POT1: variants seen among roughly 807,000 people sequenced by gnomAD.
POT1 encodes the protein protection of telomeres 1.
POT1 carries 47 observed loss-of-function variants against 78.5 expected under a neutral mutation model. The observed-to-expected ratio is 0.60, with a 90% CI of 0.47 to 0.76. The LOEUF (loss-of-function observed/expected upper bound fraction) is 0.76. Among genes scored for constraint, POT1 ranks in the 30% least tolerant of loss-of-function variants. The probability of loss-of-function intolerance (pLI) is 0.00; values close to 1 mark genes in which losing one functional copy is unlikely to be tolerated. For missense variants in POT1, 646 were observed against 749.9 expected (o/e 0.86, Z 1.62); for synonymous variants, 259 against 260.7 (o/e 0.99, Z 0.06).
At chr7:124,925,055 A>C (rs1346258260) in intron 2 of POT1, among the ~76,000 whole-genome samples, 1 of 152,112 alleles carries the variant, frequency 6.6e-6, no homozygotes, top group African/African-American at 2.4e-5. Context: ...AATTGGAACA[A>C]GATAAGGATA....
chr7:124,832,986 A>G (rs1794806227), intron 15 of POT1, among the ~76,000 whole-genome samples: 1 of 152,174 alleles, frequency 6.6e-6, no homozygotes. Flanking sequence ...GAAAGGGGAA[A>G]GAACAAAAGC....
At chr7:124,905,040 A>C (rs1386969506) in intron 3 of POT1, among the ~76,000 whole-genome samples, 3 of 152,232 alleles carry the variant, frequency 2.0e-5, no homozygotes, top group Non-Finnish European at 4.4e-5. Flanking sequence ...GATAGAAAAG[A>C]ATCAGTATCA....
At chr7:124,924,238 G>C (rs144294001) in intron 2 of POT1, among the ~76,000 whole-genome samples, 1 of 149,638 alleles carries the variant, frequency 6.7e-6, no homozygotes, top group Non-Finnish European at 1.5e-5. Flanking sequence ...CTACCAGCTA[G>C]ACTAACCAAG....
intron 15 of POT1, among the ~76,000 whole-genome samples, chr7:124,830,834 G>C (rs1184644126): frequency 3.3e-5 from 5 of 151,760 alleles, no homozygotes; most frequent in Admixed American, 1.3e-4. Context: ...TAAAACACAA[G>C]AAACCATAAA....
chr7:124,900,777 G>C (rs1275512239), intron 3 of POT1: 3 of 355,748 alleles, frequency 8.4e-6, no homozygotes, highest in African/African-American at 2.1e-5. Context: ...TCAGTACCTG[G>C]AACATCGGGA....
chr7:124,835,473 T>A, intron 14 of POT1, 59 bp from the exon 15 acceptor site: 2 of 1,540,166 alleles, frequency 1.3e-6, no homozygotes, highest in East Asian at 4.5e-5. Flanking sequence ...ACAAGTACAG[T>A]CCTATTAAAT....
Position 124,923,889 on chromosome 7 carries a change from TCAAACAAACAAA to T in POT1, c.-227+4914_-227+4925del, listed in dbSNP as rs142399246. Among the ~76,000 whole-genome samples, 6 of 151,134 alleles carry T rather than the reference TCAAACAAACAAA, an allele frequency of 4.0e-5. No homozygotes were observed. The East Asian group carries it at 1.2e-3, about 29-fold the overall frequency. On this transcript the variant is annotated intron_variant, in intron 2 of 18. Transcript: ENST00000357628. Reference sequence around the variant, plus strand: ...AGAAAGAATAACATTTTCCAAGTGCTCAAACAAACAAACAAACAAACAAAAAAACTGTAAGCC... The same window carrying T: ...AGAAAGAATAACATTTTCCAAGTGCTCAAACAAACAAAAAAACTGTAAGCC...
chr7:124,863,255 A>G (rs1269968006), intron 8 of POT1, 95 bp downstream of exon 8: 11 of 1,224,076 alleles, frequency 9.0e-6, no homozygotes, highest in Admixed American at 6.9e-5. Context: ...TATAATACAC[A>G]GCATGCTTTA....
At chr7:124,845,505 T>C (rs1312569372) in intron 12 of POT1, among the ~76,000 whole-genome samples, 4 of 152,186 alleles carry the variant, frequency 2.6e-5, no homozygotes, top group African/African-American at 9.6e-5. Flanking sequence ...AAAGTGAGTG[T>C]TTCTATTACT....
At chr7:124,876,290 C>G (rs1330677017) in intron 6 of POT1, among the ~76,000 whole-genome samples, 1 of 152,000 alleles carries the variant, frequency 6.6e-6, no homozygotes, top group East Asian at 1.9e-4. Flanking sequence ...CCTCTTTATT[C>G]GCACTGCTGT....
chr7:124,846,162 G>GACACACACAC (rs60301966), intron 12 of POT1, among the ~76,000 whole-genome samples: 52,862 of 148,540 alleles, frequency 0.36, 9,529 homozygotes, highest in East Asian at 0.46. Context: ...CATTCATACT[G>GACACACACAC]ACACACACAC....
chr7:124,847,196 G>A lies in POT1; in HGVS notation c.950-198C>T, dbSNP rs369967356. The stretch of plus-strand genomic sequence containing the variant: ...ATCTGTAAATTCAGCATAATCCTTC[G>A]AAAATAGCAGAGGCTGGGGTGGGCA... On this transcript the variant is annotated intron_variant, in intron 11 of 18. Transcript: ENST00000357628. 6.6e-5 allele frequency among the ~76,000 whole-genome samples: 10 copies of A among 152,264 alleles called. 1 individual carries two copies. Among genetic ancestry groups the A allele is most frequent in the East Asian group, 3.9e-4 (2 of 5,184 alleles).
intron 12 of POT1, 54 bp downstream of exon 12, chr7:124,846,888 A>T (rs1795181114): frequency 7.8e-7 from 1 of 1,276,276 alleles, no homozygotes; most frequent in African/African-American, 1.5e-5. Flanking sequence ...GTGTAGAGGC[A>T]GACTTTATTA....
intron 12 of POT1, among the ~76,000 whole-genome samples, chr7:124,846,189 A>G (rs1278962826): frequency 6.6e-6 from 1 of 152,050 alleles, no homozygotes; most frequent in Non-Finnish European, 1.5e-5. Context: ...ACACACCCCT[A>G]TAATATAAAC....
intron 15 of POT1, 127 bp downstream of exon 15, chr7:124,835,152 T>C (rs1197160264): frequency 8.9e-7 from 1 of 1,126,346 alleles, no homozygotes; most frequent in Non-Finnish European, 1.2e-6. Context: ...AGGTGACGGG[T>C]TGATGGGTGC....
At chr7:124,826,923 A>T (rs1794644634) in intron 17 of POT1, among the ~76,000 whole-genome samples, 2 of 152,190 alleles carry the variant, frequency 1.3e-5, no homozygotes, top group Admixed American at 1.3e-4. Context: ...AATGTTGACT[A>T]CAAATAATGC....
At chr7:124,868,994 G>A (rs960184233) in intron 7 of POT1, among the ~76,000 whole-genome samples, 1 of 151,854 alleles carries the variant, frequency 6.6e-6, no homozygotes, top group Non-Finnish European at 1.5e-5. Context: ...GATACAACTA[G>A]GGCAGTACTT....
intron 6 of POT1, among the ~76,000 whole-genome samples, chr7:124,882,524 A>C (rs180844574): frequency 2.0e-5 from 3 of 152,160 alleles, no homozygotes; most frequent in Admixed American, 6.5e-5. Flanking sequence ...ATGTTATGAT[A>C]TAATAAATAT....
At chr7:124,844,192 G>C (rs183512966) in intron 12 of POT1, among the ~76,000 whole-genome samples, 1 of 147,886 alleles carries the variant, frequency 6.8e-6, no homozygotes, top group Non-Finnish European at 1.5e-5. Flanking sequence ...GCAATGGTGC[G>C]ATCTCTGCTC....
Sources: gnomAD v4.1 joint callset for allele counts (sites outside exome capture counted in the v4.1 genomes callset) on GRCh38, gnomAD v4.1.1 for gene constraint, MANE v1.5 for transcripts, NCBI Gene and HGNC (gene_info 2026-07-23, HGNC 2026-07-21) for gene names.